The following FAT3 variants were observed in gnomAD, a reference collection of about 807,000 sequenced individuals.
FAT3 encodes protocadherin Fat 3.
Under a neutral mutation model 310.2 loss-of-function variants are expected in FAT3, and 95 were observed. The ratio of observed to expected loss-of-function variants is 0.31; its 90% CI spans 0.26 to 0.36. FAT3 has a LOEUF of 0.36. Among genes scored for constraint, FAT3 ranks in the 10% least tolerant of loss-of-function variants. The probability of loss-of-function intolerance (pLI) is 1.00; values close to 1 mark genes in which losing one functional copy is unlikely to be tolerated. For missense variants in FAT3, 5,408 were observed against 5,715.6 expected (o/e 0.95, Z 1.74); for synonymous variants, 2,314 against 2,192.9 (o/e 1.06, Z -1.54).
chr11:92,293,523 T>TAC (rs1308162757), intron 1 of FAT3, among the ~76,000 whole-genome samples: 1 of 53,140 alleles, frequency 1.9e-5, no homozygotes, highest in Non-Finnish European at 3.7e-5. Flanking sequence ...TATATATATA[T>TAC]ATATATATAT....
At chr11:92,458,105 C>T (rs560198990) in intron 2 of FAT3, among the ~76,000 whole-genome samples, 4 of 152,218 alleles carry the variant, frequency 2.6e-5, no homozygotes, top group African/African-American at 7.2e-5. Flanking sequence ...AACATATTGC[C>T]TATTGTTAGG....
chr11:92,434,174 T>G (rs560716), intron 2 of FAT3, among the ~76,000 whole-genome samples: 136,139 of 152,020 alleles, frequency 0.9, 61,023 homozygotes, highest in Admixed American at 0.91. Flanking sequence ...AGAACTCCTA[T>G]TCCGGGAAAG....
At chr11:92,229,500 TTTTTTTGTTTTTTG>T (rs1194105226) in intron 1 of FAT3, among the ~76,000 whole-genome samples, 1,993 of 103,708 alleles carry the variant, frequency 0.019, 249 homozygotes, top group African/African-American at 0.062. Context: ...GTGTTTTTTT[TTTTTTTGTTTTTTG>T]TTTTTTTTTA....
intron 2 of FAT3, among the ~76,000 whole-genome samples, chr11:92,355,626 T>C (rs1948710022): frequency 6.6e-6 from 1 of 152,172 alleles, no homozygotes; most frequent in South Asian, 2.1e-4. Context: ...CCTGGTTTGT[T>C]TTGTTTTGTT....
At chr11:92,233,608 T>C (rs1864284784) in intron 1 of FAT3, among the ~76,000 whole-genome samples, 1 of 152,182 alleles carries the variant, frequency 6.6e-6, no homozygotes. Flanking sequence ...GTCAGTAAGA[T>C]GGTGAACTGA....
chr11:92,393,107 A>C (rs1325255854), intron 2 of FAT3, among the ~76,000 whole-genome samples: 2 of 152,318 alleles, frequency 1.3e-5, no homozygotes, highest in Non-Finnish European at 2.9e-5. Flanking sequence ...TTATGTAGGC[A>C]AAGAACAAAA....
chr11:92,388,277 C>T (rs1306749558), intron 2 of FAT3, among the ~76,000 whole-genome samples: 4 of 152,130 alleles, frequency 2.6e-5, no homozygotes, highest in Admixed American at 2.6e-4. Context: ...GCTCTTCCTT[C>T]TCCTTTCCCT....
At chr11:92,815,100 G>A (rs1272730281) in intron 13 of FAT3, among the ~76,000 whole-genome samples, 2 of 152,134 alleles carry the variant, frequency 1.3e-5, no homozygotes, top group Non-Finnish European at 2.9e-5. Context: ...AGATGGAAAT[G>A]AACCATTGAG....
intron 3 of FAT3, among the ~76,000 whole-genome samples, chr11:92,594,298 C>A (rs1264576966): frequency 6.6e-6 from 1 of 152,132 alleles, no homozygotes; most frequent in African/African-American, 2.4e-5. Flanking sequence ...CAAAAATTAT[C>A]TGGACATGCT....
At chr11:92,446,735 G>A (rs572760) in intron 2 of FAT3, among the ~76,000 whole-genome samples, 152,187 of 152,282 alleles carry the variant, frequency 1, 76,046 homozygotes, top group Middle Eastern at 1. Flanking sequence ...GGCTATATTC[G>A]TAATCCCACC....
chr11:92,465,136 G>A (rs1158557231), intron 2 of FAT3, among the ~76,000 whole-genome samples: 1 of 152,028 alleles, frequency 6.6e-6, no homozygotes, highest in Non-Finnish European at 1.5e-5. Flanking sequence ...ATAATGGCAA[G>A]GAAAAAAATT....
chr11:92,755,547 C>T (rs1260589644), intron 4 of FAT3, among the ~76,000 whole-genome samples: 2 of 152,064 alleles, frequency 1.3e-5, no homozygotes, highest in African/African-American at 4.8e-5. Context: ...TAAGTCTTCT[C>T]ACCACAAAAA....
intron 3 of FAT3, among the ~76,000 whole-genome samples, chr11:92,545,038 AACCATTCATT>A (rs1954572152): frequency 6.6e-6 from 1 of 152,154 alleles, no homozygotes; most frequent in South Asian, 2.1e-4. Context: ...TCCTCCGTGC[AACCATTCATT>A]ACCTCTCTGT....
At chr11:92,771,163 C>A (rs1946446070) in intron 6 of FAT3, among the ~76,000 whole-genome samples, 1 of 152,118 alleles carries the variant, frequency 6.6e-6, no homozygotes, top group Admixed American at 6.6e-5. Flanking sequence ...TCCTCCCCAC[C>A]TTTTGTTGAG....
intron 21 of FAT3, among the ~76,000 whole-genome samples, chr11:92,859,740 CA>C (rs1284561210): frequency 2.0e-5 from 3 of 152,146 alleles, no homozygotes; most frequent in Non-Finnish European, 2.9e-5. Context: ...AAATTGGAGA[CA>C]GGGGGTATAG....
intron 1 of FAT3, among the ~76,000 whole-genome samples, chr11:92,254,940 A>G (rs2134287412): frequency 6.6e-6 from 1 of 152,196 alleles, no homozygotes; most frequent in South Asian, 2.1e-4. Context: ...TCCTGATCTC[A>G]GGTAATCTGC....
chr11:92,819,300 A>G (rs1027807263), intron 13 of FAT3, among the ~76,000 whole-genome samples: 8 of 152,164 alleles, frequency 5.3e-5, no homozygotes, highest in African/African-American at 1.7e-4. Flanking sequence ...GGAAAATGCA[A>G]TTTCTGAATA....
chr11:92,733,822 C>T (rs994358780), intron 4 of FAT3, among the ~76,000 whole-genome samples: 3 of 152,142 alleles, frequency 2.0e-5, no homozygotes, highest in Non-Finnish European at 4.4e-5. Flanking sequence ...ATTTGGGAAT[C>T]CTCACAATAG....
chr11:92,227,975 G>C (rs1051801538), intron 1 of FAT3, among the ~76,000 whole-genome samples: 1 of 151,508 alleles, frequency 6.6e-6, no homozygotes, highest in Non-Finnish European at 1.5e-5. Context: ...GAATTAAACC[G>C]AATGTTGATA....
Sources: allele counts gnomAD v4.1 joint callset (sites outside exome capture counted in the v4.1 genomes callset), GRCh38; gene constraint gnomAD v4.1.1; transcripts MANE v1.5; gene names NCBI Gene and HGNC (gene_info 2026-07-23, HGNC 2026-07-21).